C10orf143: variants seen among roughly 807,000 people sequenced by gnomAD.
C10orf143 encodes uncharacterized protein C10orf143.
intron 3 of C10orf143, among the ~76,000 whole-genome samples, chr10:130,043,496 G>A (rs1031226754): frequency 6.6e-6 from 1 of 152,182 alleles, no homozygotes; most frequent in African/African-American, 2.4e-5. Flanking sequence ...TCTCTGGGCA[G>A]CTCAGCAACT....
At chr10:130,101,966 A>G (rs1274132775) in intron 1 of C10orf143, among the ~76,000 whole-genome samples, 1 of 151,440 alleles carries the variant, frequency 6.6e-6, no homozygotes, top group Non-Finnish European at 1.5e-5. Flanking sequence ...AAATTCCTTC[A>G]GGCAGAAAAC....
At chr10:130,107,095 G>A in intron 1 of C10orf143, 3 of 1,591,100 alleles carry the variant, frequency 1.9e-6, no homozygotes, top group Non-Finnish European at 2.6e-6. Context: ...AGCTTACAGA[G>A]CATATTAAAA....
At chr10:130,061,488 C>A (rs1012026948), downstream of C10orf143, among the ~76,000 whole-genome samples, 8 of 152,152 alleles carry the variant, frequency 5.3e-5, no homozygotes, top group Non-Finnish European at 1.2e-4. Flanking sequence ...GAAACCATTA[C>A]AAACTTACTT....
chr10:130,098,416 T>C (rs1000022863), intron 1 of C10orf143, among the ~76,000 whole-genome samples: 2 of 152,222 alleles, frequency 1.3e-5, no homozygotes, highest in African/African-American at 4.8e-5. Context: ...TATGTGATGA[T>C]AATGAAGGGT....
intron 1 of C10orf143, among the ~76,000 whole-genome samples, chr10:130,081,734 T>TA (rs1358732493): frequency 5.5e-4 from 6 of 10,896 alleles, no homozygotes; most frequent in Admixed American, 3.0e-3. Flanking sequence ...GGAAAGAATT[T>TA]AAAAAAAAAT....
intron 1 of C10orf143, among the ~76,000 whole-genome samples, chr10:130,109,012 C>G (rs1007582914): frequency 3.3e-5 from 5 of 152,166 alleles, no homozygotes; most frequent in African/African-American, 1.2e-4. Flanking sequence ...CAAGTCAACC[C>G]CTACAACACC....
intron 3 of C10orf143, 28 bp from the exon 4 acceptor site, chr10:130,064,411 G>A (rs1008161878): frequency 1.5e-5 from 6 of 398,324 alleles, no homozygotes; most frequent in African/African-American, 1.2e-4. Context: ...CACATTGCGG[G>A]AATTAATTTA....
At chr10:130,039,893 C>T (rs1195511616) in intron 3 of C10orf143, among the ~76,000 whole-genome samples, 1 of 152,162 alleles carries the variant, frequency 6.6e-6, no homozygotes, top group African/African-American at 2.4e-5. Context: ...GGGCATGAAC[C>T]ATTTAGGGAC....
At chr10:130,048,006 C>A (rs1860696440) in intron 3 of C10orf143, among the ~76,000 whole-genome samples, 1 of 152,238 alleles carries the variant, frequency 6.6e-6, no homozygotes, top group Non-Finnish European at 1.5e-5. Context: ...GTCTCCCCCT[C>A]AATACTATTT....
chr10:130,098,028 A>AC (rs1404587869), intron 1 of C10orf143, among the ~76,000 whole-genome samples: 2 of 151,622 alleles, frequency 1.3e-5, no homozygotes, highest in Non-Finnish European at 2.9e-5. Flanking sequence ...AAAAAAAAAA[A>AC]AACTCTAAAC....
At chr10:130,107,385 A>C (rs761973108) in intron 1 of C10orf143, 4 of 1,130,614 alleles carry the variant, frequency 3.5e-6, no homozygotes, top group Non-Finnish European at 5.4e-6. Flanking sequence ...ATTCATTATT[A>C]TCAACGGCAG....
intron 3 of C10orf143, among the ~76,000 whole-genome samples, chr10:130,074,916 G>C (rs1490176350): frequency 6.6e-6 from 1 of 151,784 alleles, no homozygotes; most frequent in African/African-American, 2.4e-5. Context: ...TCCTACGTTG[G>C]CTGACTCCAC....
intron 3 of C10orf143, among the ~76,000 whole-genome samples, chr10:130,055,573 A>T (rs542406785): frequency 2.0e-5 from 3 of 152,332 alleles, no homozygotes; most frequent in South Asian, 2.1e-4. Flanking sequence ...ACTCATTTTT[A>T]AAAAGTTTGT....
At chr10:130,059,021 T>C (rs761675608), downstream of C10orf143, among the ~76,000 whole-genome samples, 1 of 152,146 alleles carries the variant, frequency 6.6e-6, no homozygotes, top group Non-Finnish European at 1.5e-5. Context: ...ACACCATGTA[T>C]GATAAAAATG....
intron 1 of C10orf143, among the ~76,000 whole-genome samples, chr10:130,087,591 A>G (rs936454270): frequency 6.6e-6 from 1 of 152,166 alleles, no homozygotes; most frequent in African/African-American, 2.4e-5. Flanking sequence ...AAGACCAACC[A>G]TTTGTTGAGG....
At chr10:130,091,948 C>A (rs1861389172) in intron 1 of C10orf143, among the ~76,000 whole-genome samples, 1 of 152,152 alleles carries the variant, frequency 6.6e-6, no homozygotes, top group African/African-American at 2.4e-5. Context: ...GACTAGTGTA[C>A]CTGAAAGTGA....
intron 3 of C10orf143, among the ~76,000 whole-genome samples, chr10:130,078,085 C>T (rs1019482141): frequency 3.9e-5 from 6 of 152,062 alleles, no homozygotes; most frequent in Admixed American, 6.6e-5. Flanking sequence ...TCATTTCCTA[C>T]GAAACATAAC....
At chr10:130,108,540 A>G (rs1220639946) in intron 1 of C10orf143, 1 of 626,110 alleles carries the variant, frequency 1.6e-6, no homozygotes, top group Non-Finnish European at 2.9e-6. Context: ...CTTTTGCTCA[A>G]ATTGAAACTT....
intron 1 of C10orf143, chr10:130,107,650 C>T (rs375398291): frequency 3.9e-5 from 52 of 1,324,040 alleles, no homozygotes; most frequent in East Asian, 3.0e-4. Flanking sequence ...TTCTCTCTCC[C>T]GCAACTCTGT....
Sources: gnomAD v4.1 joint callset for allele counts (sites outside exome capture counted in the v4.1 genomes callset) on GRCh38, gnomAD v4.1.1 for gene constraint, MANE v1.5 for transcripts, NCBI Gene and HGNC (gene_info 2026-07-23, HGNC 2026-07-21) for gene names.